Variants in LRRTM4 observed in about 807,000 individuals in gnomAD.
LRRTM4 encodes leucine rich repeat transmembrane neuronal 4.
In LRRTM4, 25 loss-of-function variants were observed where a neutral mutation model predicts 47.6. The observed-to-expected ratio is 0.53, with a 90% CI of 0.38 to 0.73. LRRTM4 has a LOEUF of 0.73. Among genes scored for constraint, LRRTM4 ranks in the 30% least tolerant of loss-of-function variants. The pLI is 0.00. For missense variants in LRRTM4, 638 were observed against 713.4 expected (o/e 0.89, Z 1.20); for synonymous variants, 311 against 269.5 (o/e 1.15, Z -1.51).
chr2:77,228,690 G>C (rs1304374504), intron 3 of LRRTM4, among the ~76,000 whole-genome samples: 1 of 152,196 alleles, frequency 6.6e-6, no homozygotes, highest in Non-Finnish European at 1.5e-5. Context: ...TTGGCTTTCA[G>C]CCAAAGTTCT....
chr2:76,789,025 C>CCTGCTTCT (rs1196121445), intron 3 of LRRTM4, among the ~76,000 whole-genome samples: 1 of 152,048 alleles, frequency 6.6e-6, no homozygotes, highest in Non-Finnish European at 1.5e-5. Flanking sequence ...TGCTTGGCAC[C>CCTGCTTCT]CTGCTTCTCT....
At chr2:77,149,405 G>A (rs1048524756) in intron 3 of LRRTM4, among the ~76,000 whole-genome samples, 2 of 151,918 alleles carry the variant, frequency 1.3e-5, no homozygotes, top group African/African-American at 4.8e-5. Flanking sequence ...CTATTGGACA[G>A]CATTCATCTA....
At chr2:76,996,450 T>G (rs1677205658) in intron 3 of LRRTM4, among the ~76,000 whole-genome samples, 2 of 152,034 alleles carry the variant, frequency 1.3e-5, no homozygotes, top group Non-Finnish European at 2.9e-5. Flanking sequence ...AGAGGTAAAA[T>G]AAAATTAAGC....
intron 3 of LRRTM4, among the ~76,000 whole-genome samples, chr2:76,786,113 C>T (rs1674656310): frequency 6.6e-6 from 1 of 152,108 alleles, no homozygotes; most frequent in African/African-American, 2.4e-5. Flanking sequence ...TCAACTTCAG[C>T]TTCATCTGGG....
At chr2:77,384,037 T>A (rs923100300) in intron 3 of LRRTM4, among the ~76,000 whole-genome samples, 1 of 152,174 alleles carries the variant, frequency 6.6e-6, no homozygotes, top group Non-Finnish European at 1.5e-5. Flanking sequence ...TATTTTATTA[T>A]CACTCTTAAT....
At chr2:76,994,000 G>A in intron 3 of LRRTM4, among the ~76,000 whole-genome samples, 1 of 151,828 alleles carries the variant, frequency 6.6e-6, no homozygotes, top group East Asian at 1.9e-4. Flanking sequence ...GCAGATTAAT[G>A]CAGGAACAGG....
At chr2:76,828,171 G>T (rs1671238704) in intron 3 of LRRTM4, among the ~76,000 whole-genome samples, 1 of 151,908 alleles carries the variant, frequency 6.6e-6, no homozygotes, top group Admixed American at 6.6e-5. Context: ...AACATTGAAT[G>T]ATGTGAGGGT....
chr2:77,213,321 AAACTGGATCTTAATCGC>A (rs1573085026), intron 3 of LRRTM4, among the ~76,000 whole-genome samples: 1 of 152,140 alleles, frequency 6.6e-6, no homozygotes, highest in East Asian at 1.9e-4. Flanking sequence ...GGAGTTAGAT[AAACTGGATCTTAATCGC>A]AACCAGCTCC....
At chr2:76,884,845 A>C (rs1226601236) in intron 3 of LRRTM4, among the ~76,000 whole-genome samples, 1 of 152,174 alleles carries the variant, frequency 6.6e-6, no homozygotes, top group Non-Finnish European at 1.5e-5. Context: ...CAGTGAAAAA[A>C]TGTAAACAAC....
At chr2:77,464,783 G>A (rs1356413888) in intron 3 of LRRTM4, among the ~76,000 whole-genome samples, 1 of 152,064 alleles carries the variant, frequency 6.6e-6, no homozygotes, top group Non-Finnish European at 1.5e-5. Flanking sequence ...AATCATATGA[G>A]ACACTTAATA....
At chr2:76,892,807 A>G (rs1386514672) in intron 3 of LRRTM4, among the ~76,000 whole-genome samples, 3 of 151,702 alleles carry the variant, frequency 2.0e-5, no homozygotes, top group African/African-American at 7.2e-5. Context: ...TCCCAAACAC[A>G]TTTATTTCCT....
chr2:76,823,211 AAT>A (rs1479208562), intron 3 of LRRTM4, among the ~76,000 whole-genome samples: 13 of 151,460 alleles, frequency 8.6e-5, no homozygotes. Context: ...AAATTCAACT[AAT>A]ATTTTGAATA....
At chr2:77,489,495 T>C (rs1334314752) in intron 3 of LRRTM4, among the ~76,000 whole-genome samples, 2 of 152,260 alleles carry the variant, frequency 1.3e-5, no homozygotes, top group African/African-American at 4.8e-5. Context: ...ATTACTTTCC[T>C]TTTTTGATAA....
intron 3 of LRRTM4, among the ~76,000 whole-genome samples, chr2:76,968,334 A>ATG (rs1413039404): frequency 0.013 from 1,397 of 106,230 alleles, 13 homozygotes; most frequent in African/African-American, 0.027. Flanking sequence ...AAAAGTGTGT[A>ATG]TGTGTGTATA....
chr2:77,259,772 C>T (rs1675868087), intron 3 of LRRTM4, among the ~76,000 whole-genome samples: 1 of 152,006 alleles, frequency 6.6e-6, no homozygotes, highest in African/African-American at 2.4e-5. Context: ...GAGGATATAT[C>T]ATATGCAAGG....
intron 3 of LRRTM4, among the ~76,000 whole-genome samples, chr2:76,855,593 G>C (rs1672125689): frequency 6.6e-6 from 1 of 151,998 alleles, no homozygotes; most frequent in African/African-American, 2.4e-5. Flanking sequence ...ACTACCAAAA[G>C]GATGTACAAA....
At chr2:77,201,124 A>C (rs1159354546) in intron 3 of LRRTM4, among the ~76,000 whole-genome samples, 1 of 152,186 alleles carries the variant, frequency 6.6e-6, no homozygotes, top group Non-Finnish European at 1.5e-5. Context: ...GAGTTAAAAA[A>C]TAGGAAATAT....
intron 3 of LRRTM4, among the ~76,000 whole-genome samples, chr2:77,202,355 A>G (rs900375558): frequency 3.3e-5 from 5 of 152,108 alleles, no homozygotes; most frequent in Non-Finnish European, 5.9e-5. Context: ...TGGCCCTGAC[A>G]TTTCCAAGTC....
At chr2:77,300,724 A>G (rs1409071135) in intron 3 of LRRTM4, among the ~76,000 whole-genome samples, 1 of 152,144 alleles carries the variant, frequency 6.6e-6, no homozygotes, top group Non-Finnish European at 1.5e-5. Flanking sequence ...TATATTTAAT[A>G]TGCCTGCTCA....
Sources: allele counts gnomAD v4.1 joint callset (sites outside exome capture counted in the v4.1 genomes callset), GRCh38; gene constraint gnomAD v4.1.1; transcripts MANE v1.5; gene names NCBI Gene and HGNC (gene_info 2026-07-23, HGNC 2026-07-21).